GBP6: variants seen among roughly 807,000 people sequenced by gnomAD.
GBP6 encodes guanylate binding protein family member 6, also known as guanylate-binding protein 6.
A neutral mutation model predicts 61.5 loss-of-function variants in GBP6; 54 were observed. The observed-to-expected ratio is 0.88, with a 90% confidence interval of 0.71 to 1.10. The LOEUF is 1.10. Ranked by LOEUF, GBP6 falls within the 50% of genes least tolerant of loss-of-function variation. The pLI, the probability that GBP6 is intolerant of heterozygous loss-of-function variation, is 0.00. For missense variants in GBP6, 748 were observed against 752.8 expected (o/e 0.99, Z 0.07); for synonymous variants, 255 against 273.7 (o/e 0.93, Z 0.67).
intron 5 of GBP6, among the ~76,000 whole-genome samples, chr1:89,380,108 A>G (rs961649701): frequency 4.6e-5 from 7 of 152,226 alleles, no homozygotes; most frequent in Non-Finnish European, 1.5e-5. Flanking sequence ...ACTGCCCTCT[A>G]GCCTGGGCAA....
rs374180602 is a variant in GBP6, at chr1:89,367,666, G to C, written c.-23-863G>C. ...GTTTTTAATTATGATGAAGTGTGGTGTATCTAATTTTTTTCACTTGTTTCC... is the reference window on the plus strand; with the variant it reads ...GTTTTTAATTATGATGAAGTGTGGTCTATCTAATTTTTTTCACTTGTTTCC... On this transcript the variant is annotated intron_variant, in intron 1 of 10. Coordinates refer to ENST00000370456, the MANE Select transcript of GBP6 (RefSeq NM_198460.3). Among the ~76,000 whole-genome samples the C allele has an allele frequency of 1.8e-4, 28 of 152,264 alleles. No homozygotes were observed. The East Asian group carries it at 5.2e-3, about 28-fold the overall frequency.
chr1:89,381,299 A>G (rs1310889722), intron 6 of GBP6, among the ~76,000 whole-genome samples: 2 of 151,602 alleles, frequency 1.3e-5, no homozygotes, highest in Admixed American at 6.6e-5. Flanking sequence ...GTCTAGAAAT[A>G]AATAAATATT....
At chr1:89,364,632 T>C (rs1041172752) in intron 1 of GBP6, among the ~76,000 whole-genome samples, 2 of 126,528 alleles carry the variant, frequency 1.6e-5, no homozygotes, top group African/African-American at 6.0e-5. Context: ...TGTGCGTGTG[T>C]GTGTGTGTGT....
At chr1:89,369,782 G>A (rs1652573138) in intron 3 of GBP6, 109 bp downstream of exon 3, 2 of 1,347,328 alleles carry the variant, frequency 1.5e-6, no homozygotes, top group Non-Finnish European at 1.0e-6. Context: ...AGCAAATAAG[G>A]CAAACTTTGA....
chr1:89,375,250 A>G (rs1175160071), intron 3 of GBP6, among the ~76,000 whole-genome samples: 1 of 152,140 alleles, frequency 6.6e-6, no homozygotes, highest in Non-Finnish European at 1.5e-5. Context: ...CATGTGGCCA[A>G]CAATCATATG....
At chr1:89,379,337 C>T (rs1466059500) in intron 5 of GBP6, among the ~76,000 whole-genome samples, 1 of 36,988 alleles carries the variant, frequency 2.7e-5, no homozygotes, top group Non-Finnish European at 5.1e-5. Context: ...CTAGGCCCAC[C>T]TCCAACATTG....
Position 89,381,894 on chromosome 1 carries a change from G to A in GBP6, c.1072G>A (p.Ala358Thr), listed in dbSNP as rs781019542. 5 of 1,614,148 alleles carry A rather than the reference G, an allele frequency of 3.1e-6. No homozygotes were observed. The highest frequency in any genetic ancestry group is 4.5e-5 in the East Asian group (2 of 44,888). Reference protein sequence around the residue: ...TLQELLDMHAACEREAIAIFM... With the variant: ...TLQELLDMHATCEREAIAIFM... ...CCAGGAGCTGCTGGACATGCATGCG[G>A]CCTGTGAGAGGGAAGCCATTGCAAT... Residue 358 changes from alanine (A) to threonine (T), a missense_variant, in exon 7 of 11, where the codon GCC becomes ACC. Coordinates refer to ENST00000370456, the MANE Select transcript of GBP6 (RefSeq NM_198460.3).
chr1:89,376,823 A>G (rs1652821697), intron 3 of GBP6, among the ~76,000 whole-genome samples: 1 of 152,158 alleles, frequency 6.6e-6, no homozygotes, highest in Non-Finnish European at 1.5e-5. Context: ...CAACATAGTG[A>G]AAGCCCATCT....
rs1653173289 is a variant in GBP6 at position 89,387,473 on chromosome 1, G to T, written c.*2004G>T. Among the ~76,000 whole-genome samples the T allele has an allele frequency of 6.6e-6, 1 of 152,190 alleles. No individual in the cohort carries two copies. The highest frequency in any genetic ancestry group is 6.5e-5 in the Admixed American group (1 of 15,280). Reference sequence around the variant, plus strand: ...CTTATTTTTCTGTACATCTCCTTGGGAGTATGTTCAGGCATAGGTTGTGCT... The same window carrying T: ...CTTATTTTTCTGTACATCTCCTTGGTAGTATGTTCAGGCATAGGTTGTGCT... On this transcript the variant is annotated 3_prime_UTR_variant, in exon 11 of 11. Coordinates refer to ENST00000370456, the MANE Select transcript of GBP6 (RefSeq NM_198460.3).
intron 3 of GBP6, among the ~76,000 whole-genome samples, chr1:89,370,675 A>T (rs1456224407): frequency 6.6e-6 from 1 of 152,222 alleles, no homozygotes; most frequent in East Asian, 1.9e-4. Flanking sequence ...TTAGTGTTGT[A>T]TAATTGACAA....
chr1:89,382,620 C>T, intron 7 of GBP6, 44 bp from the exon 8 acceptor site: 1 of 1,506,452 alleles, frequency 6.6e-7, no homozygotes, highest in Non-Finnish European at 9.2e-7. Flanking sequence ...ATTTCATCTC[C>T]TCCATGTTTC....
intron 6 of GBP6, 96 bp from the exon 7 acceptor site, chr1:89,381,598 G>A (rs1439280684): frequency 2.4e-5 from 29 of 1,220,684 alleles, no homozygotes; most frequent in Middle Eastern, 4.4e-4. Flanking sequence ...GTGCACGCGC[G>A]TGTATGTAAG....
chr1:89,365,773 G>C (rs1652452531), intron 1 of GBP6, among the ~76,000 whole-genome samples: 1 of 152,116 alleles, frequency 6.6e-6, no homozygotes. Flanking sequence ...TTAACTCACA[G>C]ACCCCTATAA....
At chr1:89,376,917 C>G (rs1652824770) in intron 3 of GBP6, among the ~76,000 whole-genome samples, 1 of 152,036 alleles carries the variant, frequency 6.6e-6, no homozygotes, top group Admixed American at 6.6e-5. Context: ...GTGATATACT[C>G]CTGTCTAAAT....
chr1:89,377,312 T>A (rs975986929), intron 3 of GBP6, among the ~76,000 whole-genome samples: 4 of 152,216 alleles, frequency 2.6e-5, no homozygotes, highest in African/African-American at 9.6e-5. Flanking sequence ...TTGCAAAGAC[T>A]CCTGAAATCT....
At chr1:89,377,926 T>C (rs376471944) in intron 3 of GBP6, among the ~76,000 whole-genome samples, 177 bp from the exon 4 acceptor site, 7 of 152,356 alleles carry the variant, frequency 4.6e-5, no homozygotes, top group African/African-American at 1.7e-4. Context: ...CTTTTATATG[T>C]AAAGAAATTG....
intron 1 of GBP6, among the ~76,000 whole-genome samples, chr1:89,367,341 T>G (rs1029595935): frequency 2.0e-5 from 3 of 152,134 alleles, no homozygotes; most frequent in African/African-American, 7.2e-5. Context: ...GTTTTGGGCT[T>G]TTTAAAAAAA....
intron 6 of GBP6, among the ~76,000 whole-genome samples, 197 bp from the exon 7 acceptor site, chr1:89,381,497 A>C (rs1331813199): frequency 6.6e-6 from 1 of 152,064 alleles, no homozygotes; most frequent in African/African-American, 2.4e-5. Context: ...AGCACTGTGG[A>C]CTGGAGATCC....
chr1:89,374,420 T>C (rs1652744281), intron 3 of GBP6, among the ~76,000 whole-genome samples: 1 of 152,196 alleles, frequency 6.6e-6, no homozygotes, highest in African/African-American at 2.4e-5. Context: ...GTTAAAATAC[T>C]GATTTAATTT....
Sources: gnomAD v4.1 joint callset for allele counts (sites outside exome capture counted in the v4.1 genomes callset) on GRCh38, gnomAD v4.1.1 for gene constraint, MANE v1.5 for transcripts, NCBI Gene and HGNC (gene_info 2026-07-23, HGNC 2026-07-21) for gene names.